Variants in ADGRB3 observed in about 807,000 individuals in gnomAD.
ADGRB3 encodes brain-specific angiogenesis inhibitor 3.
ADGRB3 carries 37 observed loss-of-function variants against 193.4 expected under a neutral mutation model. The ratio of observed to expected loss-of-function variants is 0.19; its 90% CI spans 0.15 to 0.25. The LOEUF (loss-of-function observed/expected upper bound fraction) is 0.25. Ranked by LOEUF, ADGRB3 falls within the 10% of genes least tolerant of loss-of-function variation. The probability of loss-of-function intolerance (pLI) is 1.00; values close to 1 mark genes in which losing one functional copy is unlikely to be tolerated. For synonymous variants in ADGRB3, 690 were observed against 644.2 expected, an observed-to-expected ratio of 1.07 and a Z score of -1.08; for missense variants, 1,637 against 1,852.9, an observed-to-expected ratio of 0.88 and a Z score of 2.14.
intron 26 of ADGRB3, among the ~76,000 whole-genome samples, chr6:69,346,423 TATGGA>T (rs1257210244): frequency 6.6e-6 from 1 of 151,958 alleles, no homozygotes; most frequent in African/African-American, 2.4e-5. Flanking sequence ...GAGGCCGACC[TATGGA>T]ATGGGAGAAA....
At chr6:69,029,978 A>G (rs1259209597) in intron 13 of ADGRB3, among the ~76,000 whole-genome samples, 2 of 119,920 alleles carry the variant, frequency 1.7e-5, no homozygotes, top group East Asian at 2.0e-4. Context: ...TATAGAATGC[A>G]CACACACACA....
At chr6:69,252,339 T>G (rs1744867221) in intron 20 of ADGRB3, among the ~76,000 whole-genome samples, 1 of 152,164 alleles carries the variant, frequency 6.6e-6, no homozygotes, top group African/African-American at 2.4e-5. Context: ...AGTTTTTTGT[T>G]ACTATGAATA....
chr6:68,990,499 A>G (rs1769207329), intron 10 of ADGRB3, among the ~76,000 whole-genome samples: 1 of 152,104 alleles, frequency 6.6e-6, no homozygotes, highest in Admixed American at 6.6e-5. Context: ...TGGACTGACA[A>G]CAACTCATTC....
At chr6:69,297,255 G>T (rs1269815576) in intron 20 of ADGRB3, among the ~76,000 whole-genome samples, 2 of 151,788 alleles carry the variant, frequency 1.3e-5, no homozygotes. Context: ...AATGCTAAGG[G>T]ATTCCACTAT....
chr6:68,717,323 C>G (rs1284519530), intron 3 of ADGRB3, among the ~76,000 whole-genome samples: 1 of 151,588 alleles, frequency 6.6e-6, no homozygotes. Flanking sequence ...GTTATAGATG[C>G]TAATGTCCCC....
intron 17 of ADGRB3, among the ~76,000 whole-genome samples, chr6:69,208,992 C>T (rs2089902): frequency 0.14 from 21,413 of 152,184 alleles, 1,559 homozygotes; most frequent in Middle Eastern, 0.16. Context: ...GATTAGTTAT[C>T]TGCAGAAGAT....
chr6:68,764,623 G>A (rs1426093740), intron 3 of ADGRB3, among the ~76,000 whole-genome samples: 1 of 152,192 alleles, frequency 6.6e-6, no homozygotes, highest in African/African-American at 2.4e-5. Flanking sequence ...CAATGAAGAT[G>A]AGAGTTTCAC....
At chr6:69,375,744 A>G (rs1020281795) in intron 30 of ADGRB3, among the ~76,000 whole-genome samples, 1 of 152,092 alleles carries the variant, frequency 6.6e-6, no homozygotes, top group African/African-American at 2.4e-5. Flanking sequence ...TTAAAAATAT[A>G]TGGATAAAGA....
In ADGRB3 at chr6:69,088,629, C is replaced by T. The variant is rs375496394; in HGVS notation, c.2480+12591C>T. Among the ~76,000 whole-genome samples, 29 of 152,330 alleles carry T rather than the reference C, an allele frequency of 1.9e-4. No homozygotes were observed. In the East Asian group the frequency reaches 5.6e-3, roughly 29 times the overall value. ...CCTCAGGTGATCTGCCTGCCTTGGC[C>T]TCCCAAAATGCTGGGATGACAGGCA... On this transcript the variant is annotated intron_variant, in intron 17 of 31. Coordinates refer to ENST00000370598, the MANE Select transcript of ADGRB3 (RefSeq NM_001704.3).
At chr6:69,120,175 G>C (rs2150329265) in intron 17 of ADGRB3, among the ~76,000 whole-genome samples, 1 of 152,306 alleles carries the variant, frequency 6.6e-6, no homozygotes, top group East Asian at 1.9e-4. Context: ...GGGTAGGAAT[G>C]GGAGTTCTGC....
intron 11 of ADGRB3, among the ~76,000 whole-genome samples, chr6:69,007,409 A>T (rs1351543745): frequency 6.6e-6 from 1 of 151,828 alleles, no homozygotes; most frequent in Non-Finnish European, 1.5e-5. Context: ...CCTGTGTATC[A>T]TTTTCACCCT....
At chr6:69,004,952 C>T (rs1582387366) in intron 11 of ADGRB3, among the ~76,000 whole-genome samples, 1 of 152,126 alleles carries the variant, frequency 6.6e-6, no homozygotes, top group Non-Finnish European at 1.5e-5. Context: ...AGGGTCTAAA[C>T]TTGTGATGTG....
intron 3 of ADGRB3, among the ~76,000 whole-genome samples, chr6:68,766,068 A>G (rs1397420713): frequency 2.0e-5 from 3 of 151,926 alleles, no homozygotes; most frequent in Admixed American, 2.0e-4. Flanking sequence ...TAATTTTTAT[A>G]TGGTCTTGCC....
chr6:68,922,307 A>T (rs902760268), intron 3 of ADGRB3, among the ~76,000 whole-genome samples: 1 of 152,218 alleles, frequency 6.6e-6, no homozygotes, highest in Non-Finnish European at 1.5e-5. Context: ...CCTTATAAAA[A>T]AATTTCTGTC....
At chr6:68,872,123 G>A (rs998934113) in intron 3 of ADGRB3, among the ~76,000 whole-genome samples, 2 of 152,152 alleles carry the variant, frequency 1.3e-5, no homozygotes, top group Non-Finnish European at 2.9e-5. Context: ...GATTTGGAGA[G>A]CAGTTGGAAG....
At chr6:69,073,908 C>T (rs1365256684) in intron 16 of ADGRB3, among the ~76,000 whole-genome samples, 1 of 152,148 alleles carries the variant, frequency 6.6e-6, no homozygotes, top group Non-Finnish European at 1.5e-5. Flanking sequence ...AGAAGATGAT[C>T]TGACATTCAA....
At chr6:68,721,869 A>G (rs1257697026) in intron 3 of ADGRB3, among the ~76,000 whole-genome samples, 1 of 151,182 alleles carries the variant, frequency 6.6e-6, no homozygotes, top group Non-Finnish European at 1.5e-5. Context: ...CAAGACAATA[A>G]AAATAAATGT....
At chr6:68,711,213 G>A (rs921205043) in intron 3 of ADGRB3, among the ~76,000 whole-genome samples, 1 of 152,064 alleles carries the variant, frequency 6.6e-6, no homozygotes, top group African/African-American at 2.4e-5. Context: ...CTCCTACCAA[G>A]AGCGTGACCT....
chr6:69,077,589 C>T (rs138604707), intron 17 of ADGRB3, among the ~76,000 whole-genome samples: 59 of 152,082 alleles, frequency 3.9e-4, no homozygotes, highest in Admixed American at 6.5e-4. Context: ...CTGTTGGCTA[C>T]TTTTCATAGA....
Sources: allele counts gnomAD v4.1 joint callset (sites outside exome capture counted in the v4.1 genomes callset), GRCh38; gene constraint gnomAD v4.1.1; transcripts MANE v1.5; gene names NCBI Gene and HGNC (gene_info 2026-07-23, HGNC 2026-07-21).